The following DLG2 variants were observed in gnomAD, a reference collection of about 807,000 sequenced individuals.
DLG2 encodes the protein disks large homolog 2.
DLG2 carries 45 observed loss-of-function variants against 132.5 expected under a neutral mutation model. That is an observed-to-expected ratio of 0.34 (90% CI 0.27 to 0.44). The LOEUF is 0.44. DLG2 is among the 20% of genes least tolerant of loss of function. The pLI is 1.00. For missense variants in DLG2, 1,045 were observed against 1,196.9 expected (o/e 0.87, Z 1.87); for synonymous variants, 424 against 419.6 (o/e 1.01, Z -0.13).
intron 3 of DLG2, among the ~76,000 whole-genome samples, chr11:85,397,934 G>A (rs2087580759): frequency 6.6e-6 from 1 of 152,150 alleles, no homozygotes; most frequent in Non-Finnish European, 1.5e-5. Flanking sequence ...GGACCTAATA[G>A]ACATCTACAG....
At chr11:85,438,628 A>G (rs994990370) in intron 3 of DLG2, among the ~76,000 whole-genome samples, 1 of 152,196 alleles carries the variant, frequency 6.6e-6, no homozygotes, top group Non-Finnish European at 1.5e-5. Flanking sequence ...TGGCATTGGT[A>G]CCACACAATG....
intron 5 of DLG2, among the ~76,000 whole-genome samples, chr11:85,126,436 A>G (rs992605674): frequency 1.3e-5 from 2 of 152,204 alleles, no homozygotes; most frequent in African/African-American, 4.8e-5. Flanking sequence ...AAGTTAAGCT[A>G]TTATATTAAT....
intron 7 of DLG2, among the ~76,000 whole-genome samples, chr11:84,421,397 C>T (rs2098950293): frequency 6.6e-6 from 1 of 152,116 alleles, no homozygotes. Context: ...CAAATTCTTC[C>T]CCATTGCAGA....
intron 9 of DLG2, among the ~76,000 whole-genome samples, chr11:84,110,362 C>T (rs12808867): frequency 0.035 from 5,298 of 152,132 alleles, 143 homozygotes; most frequent in Non-Finnish European, 0.055. Context: ...CCCAGAGAAG[C>T]CAGGAATCAA....
At chr11:85,074,114 T>G (rs1275603542) in intron 6 of DLG2, among the ~76,000 whole-genome samples, 4 of 151,764 alleles carry the variant, frequency 2.6e-5, no homozygotes, top group African/African-American at 9.7e-5. Flanking sequence ...AGGAGGAAGG[T>G]GAGGATCAAA....
At chr11:84,645,828 G>A (rs2099674231) in intron 6 of DLG2, among the ~76,000 whole-genome samples, 1 of 152,154 alleles carries the variant, frequency 6.6e-6, no homozygotes, top group South Asian at 2.1e-4. Context: ...AATATTTCCC[G>A]TGCTTGATTT....
At chr11:83,913,836 A>C (rs897577531) in intron 15 of DLG2, among the ~76,000 whole-genome samples, 2 of 152,102 alleles carry the variant, frequency 1.3e-5, no homozygotes, top group East Asian at 3.9e-4. Flanking sequence ...TGATGTGGAG[A>C]TTGGAAGATT....
At chr11:85,268,784 G>T (rs2077363358) in intron 4 of DLG2, among the ~76,000 whole-genome samples, 1 of 152,146 alleles carries the variant, frequency 6.6e-6, no homozygotes, top group African/African-American at 2.4e-5. Context: ...CTCTCAAAAA[G>T]CTCTCTGTGA....
chr11:84,423,754 C>T (rs536526337), intron 7 of DLG2, among the ~76,000 whole-genome samples: 2 of 152,078 alleles, frequency 1.3e-5, no homozygotes, highest in African/African-American at 4.8e-5. Flanking sequence ...TTCAGAAAGA[C>T]ATGTTCTTTG....
intron 21 of DLG2, among the ~76,000 whole-genome samples, chr11:83,497,547 CA>C (rs1565480824): frequency 2.6e-5 from 2 of 77,746 alleles, no homozygotes; most frequent in Admixed American, 1.2e-4. Flanking sequence ...AAACAAAAAA[CA>C]AAAAACAAAA....
chr11:83,604,465 G>C (rs1443076434), intron 19 of DLG2, among the ~76,000 whole-genome samples: 1 of 152,118 alleles, frequency 6.6e-6, no homozygotes, highest in African/African-American at 2.4e-5. Context: ...ATCCTCACCT[G>C]CTTTTTTCTG....
At chr11:83,864,082 G>GA in intron 16 of DLG2, among the ~76,000 whole-genome samples, 1 of 152,204 alleles carries the variant, frequency 6.6e-6, no homozygotes, top group South Asian at 2.1e-4. Flanking sequence ...GTGCTTAGGA[G>GA]AAAAAAATTC....
chr11:84,007,535 G>T (rs2094630569), intron 11 of DLG2, among the ~76,000 whole-genome samples: 1 of 151,236 alleles, frequency 6.6e-6, no homozygotes, highest in Admixed American at 6.6e-5. Context: ...TTATACTTTT[G>T]CCCAACTTAG....
intron 8 of DLG2, among the ~76,000 whole-genome samples, chr11:84,171,345 A>T (rs1208558413): frequency 6.6e-6 from 1 of 152,146 alleles, no homozygotes; most frequent in African/African-American, 2.4e-5. Flanking sequence ...TGTAAGGATC[A>T]CCTAAGGTAC....
chr11:83,618,370 C>A (rs1428246209), intron 19 of DLG2, among the ~76,000 whole-genome samples: 1 of 152,080 alleles, frequency 6.6e-6, no homozygotes, highest in East Asian at 1.9e-4. Flanking sequence ...TCCTTTCTTA[C>A]AATGACCTTG....
At chr11:84,924,387 CAAGG>C (rs2092900210) in intron 6 of DLG2, among the ~76,000 whole-genome samples, 1 of 152,140 alleles carries the variant, frequency 6.6e-6, no homozygotes, top group Non-Finnish European at 1.5e-5. Flanking sequence ...CTTCCAGCAA[CAAGG>C]AAGATCAGCA....
intron 9 of DLG2, among the ~76,000 whole-genome samples, chr11:84,133,687 C>A (rs551281148): frequency 3.3e-5 from 5 of 152,026 alleles, no homozygotes; most frequent in African/African-American, 1.2e-4. Context: ...TGCTATGTTG[C>A]CCAGGCTAGT....
chr11:84,067,402 C>T (rs1252229866), intron 10 of DLG2, among the ~76,000 whole-genome samples: 1 of 152,060 alleles, frequency 6.6e-6, no homozygotes, highest in Non-Finnish European at 1.5e-5. Context: ...CATTTTATGT[C>T]AATTATAATG....
intron 18 of DLG2, among the ~76,000 whole-genome samples, chr11:83,657,423 TG>T (rs2072843317): frequency 6.6e-6 from 1 of 152,120 alleles, no homozygotes; most frequent in Non-Finnish European, 1.5e-5. Context: ...GCTCACACCA[TG>T]GTAAACCAAA....
Sources: gnomAD v4.1 joint callset for allele counts (sites outside exome capture counted in the v4.1 genomes callset) on GRCh38, gnomAD v4.1.1 for gene constraint, MANE v1.5 for transcripts, NCBI Gene and HGNC (gene_info 2026-07-23, HGNC 2026-07-21) for gene names.